Variants in PLPPR1 observed in about 807,000 individuals in gnomAD.
PLPPR1 encodes phospholipid phosphatase-related protein type 1.
PLPPR1 carries 10 observed loss-of-function variants against 33.1 expected under a neutral mutation model. That is an observed-to-expected ratio of 0.30 (90% confidence interval 0.19 to 0.51). PLPPR1 has a LOEUF of 0.51. Among genes scored for constraint, PLPPR1 ranks in the 20% least tolerant of loss-of-function variants. The probability of loss-of-function intolerance (pLI) is 0.97; values close to 1 mark genes in which losing one functional copy is unlikely to be tolerated. For missense variants in PLPPR1, 304 were observed against 408.1 expected (o/e 0.74, Z 2.20); for synonymous variants, 151 against 151.0 (o/e 1.00, Z 0.00).
intron 1 of PLPPR1, among the ~76,000 whole-genome samples, chr9:101,079,088 T>C (rs1156822890): frequency 6.6e-6 from 1 of 152,216 alleles, no homozygotes; most frequent in East Asian, 1.9e-4. Flanking sequence ...CCTACCACTT[T>C]CACCTCCCTA....
chr9:101,037,665 C>A (rs1218813756), intron 1 of PLPPR1, among the ~76,000 whole-genome samples: 1 of 152,110 alleles, frequency 6.6e-6, no homozygotes, highest in Non-Finnish European at 1.5e-5. Flanking sequence ...TCCAGGCAAC[C>A]CACACACTCA....
intron 1 of PLPPR1, among the ~76,000 whole-genome samples, chr9:101,093,284 A>G (rs146954990): frequency 5.9e-5 from 9 of 152,332 alleles, no homozygotes; most frequent in Non-Finnish European, 1.3e-4. Flanking sequence ...TAATCCATTA[A>G]TCAACACTCT....
At chr9:101,222,999 G>A (rs1295509013) in intron 2 of PLPPR1, among the ~76,000 whole-genome samples, 1 of 151,812 alleles carries the variant, frequency 6.6e-6, no homozygotes, top group Non-Finnish European at 1.5e-5. Context: ...CCATCTAAGA[G>A]TATGAAGAAA....
intron 1 of PLPPR1, among the ~76,000 whole-genome samples, chr9:101,149,572 C>T (rs1471620654): frequency 5.9e-5 from 9 of 152,138 alleles, no homozygotes; most frequent in Non-Finnish European, 1.3e-4. Context: ...ATAAAATTCT[C>T]AGGTCATGTT....
At chr9:101,169,850 C>T (rs1825914069) in intron 1 of PLPPR1, among the ~76,000 whole-genome samples, 1 of 151,232 alleles carries the variant, frequency 6.6e-6, no homozygotes, top group East Asian at 1.9e-4. Context: ...TCTAGGACTT[C>T]CAAATACTTT....
intron 1 of PLPPR1, among the ~76,000 whole-genome samples, chr9:101,080,004 A>G (rs560053763): frequency 6.6e-6 from 1 of 152,290 alleles, no homozygotes; most frequent in South Asian, 2.1e-4. Context: ...ATAGGAATCT[A>G]TTTTACCCAT....
chr9:101,259,903 T>G (rs1588099607), intron 2 of PLPPR1, among the ~76,000 whole-genome samples: 1 of 152,078 alleles, frequency 6.6e-6, no homozygotes, highest in East Asian at 1.9e-4. Context: ...GGGGGATGAC[T>G]TTGAGTTCTG....
At chr9:101,192,272 C>G (rs1466425436) in intron 2 of PLPPR1, among the ~76,000 whole-genome samples, 1 of 152,166 alleles carries the variant, frequency 6.6e-6, no homozygotes, top group Non-Finnish European at 1.5e-5. Context: ...TACATTTTTA[C>G]ATTTAAGTAA....
chr9:101,051,168 A>T (rs182829655), intron 1 of PLPPR1, among the ~76,000 whole-genome samples: 1 of 152,058 alleles, frequency 6.6e-6, no homozygotes, highest in East Asian at 1.9e-4. Context: ...TTTTACTGCT[A>T]TCTCAGTTAA....
chr9:101,079,590 T>C (rs969851127), intron 1 of PLPPR1, among the ~76,000 whole-genome samples: 1 of 152,052 alleles, frequency 6.6e-6, no homozygotes, highest in Non-Finnish European at 1.5e-5. Context: ...TGCCTTTTTT[T>C]TTTTTTTGAG....
chr9:101,202,363 C>T (rs2118750200), intron 2 of PLPPR1, among the ~76,000 whole-genome samples: 1 of 152,286 alleles, frequency 6.6e-6, no homozygotes, highest in South Asian at 2.1e-4. Context: ...CATCCCTTAT[C>T]CTCCAAAAAT....
Position 101,238,351 on chromosome 9 carries a change from G to GTATATA in PLPPR1, c.64-31521_64-31516dup, listed in dbSNP as rs1178770788. 4.4e-5 allele frequency among the ~76,000 whole-genome samples: 6 copies of GTATATA among 135,318 alleles called. No individual in the cohort carries two copies. The South Asian group carries it at 7.2e-4, about 16-fold the overall frequency. 88.8% of individuals were successfully genotyped at this position (135,318 alleles called of 152,430 possible). A position where few individuals can be genotyped will look rare whatever the true frequency, so the allele number is the denominator to read the frequency against. On this transcript the variant is annotated intron_variant, in intron 2 of 7. Coordinates refer to ENST00000374874, the MANE Select transcript of PLPPR1 (RefSeq NM_207299.2). ...TATATACCTCTCTATATATAGAGGT[G>GTATATA]TATATATATATATGGGTATATATAT... is the stretch of plus-strand genomic sequence containing the variant.
chr9:101,289,654 T>C (rs992770131), intron 4 of PLPPR1, among the ~76,000 whole-genome samples: 1 of 152,226 alleles, frequency 6.6e-6, no homozygotes, highest in Non-Finnish European at 1.5e-5. Context: ...TTTCTGCTTT[T>C]GCGTCTTCCT....
At chr9:101,296,390 G>C (rs1828638921) in intron 4 of PLPPR1, among the ~76,000 whole-genome samples, 1 of 151,488 alleles carries the variant, frequency 6.6e-6, no homozygotes, top group South Asian at 2.1e-4. Context: ...AGTCAGTGTG[G>C]CAATTCCTCA....
chr9:101,053,721 AG>A (rs1830250232), intron 1 of PLPPR1, among the ~76,000 whole-genome samples: 1 of 152,222 alleles, frequency 6.6e-6, no homozygotes, highest in African/African-American at 2.4e-5. Flanking sequence ...GCTGCAGTAA[AG>A]GATCTGGAAG....
At chr9:101,226,540 C>T (rs991289598) in intron 2 of PLPPR1, among the ~76,000 whole-genome samples, 1 of 152,028 alleles carries the variant, frequency 6.6e-6, no homozygotes, top group African/African-American at 2.4e-5. Flanking sequence ...TGGTGAGGGC[C>T]CTCTTCCTAG....
intron 1 of PLPPR1, among the ~76,000 whole-genome samples, chr9:101,054,907 C>T (rs1264734418): frequency 6.6e-6 from 1 of 152,180 alleles, no homozygotes. Flanking sequence ...GCCCCCGGCC[C>T]TGCTGTGAGC....
intron 1 of PLPPR1, among the ~76,000 whole-genome samples, chr9:101,049,364 G>A (rs2118439514): frequency 6.6e-6 from 1 of 152,248 alleles, no homozygotes; most frequent in East Asian, 1.9e-4. Context: ...TAAATTTATA[G>A]AGTATTAAAT....
At chr9:101,039,838 C>A (rs958241893) in intron 1 of PLPPR1, among the ~76,000 whole-genome samples, 2 of 151,510 alleles carry the variant, frequency 1.3e-5, no homozygotes, top group African/African-American at 4.9e-5. Context: ...TCCCACCGGG[C>A]TCCTCCCATG....
Sources: allele counts gnomAD v4.1 joint callset (sites outside exome capture counted in the v4.1 genomes callset), GRCh38; gene constraint gnomAD v4.1.1; transcripts MANE v1.5; gene names NCBI Gene and HGNC (gene_info 2026-07-23, HGNC 2026-07-21).